The following KCTD3 variants were observed in gnomAD, a reference collection of about 807,000 sequenced individuals.
KCTD3 encodes BTB/POZ domain-containing protein KCTD3.
Under a neutral mutation model 85.8 loss-of-function variants are expected in KCTD3, and 41 were observed. That is an observed-to-expected ratio of 0.48 (90% confidence interval 0.37 to 0.62). KCTD3 has a LOEUF of 0.62. Ranked by LOEUF, KCTD3 falls within the 20% of genes least tolerant of loss-of-function variation. The probability of loss-of-function intolerance (pLI) is 0.00; values close to 1 mark genes in which losing one functional copy is unlikely to be tolerated. For missense variants in KCTD3, 724 were observed against 989.9 expected, an observed-to-expected ratio of 0.73 and a Z score of 3.60; for synonymous variants, 338 against 345.4, an observed-to-expected ratio of 0.98 and a Z score of 0.24.
chr1:215,581,652 A>G (rs755587926), intron 8 of KCTD3, among the ~76,000 whole-genome samples: 8 of 152,210 alleles, frequency 5.3e-5, no homozygotes, highest in Non-Finnish European at 8.8e-5. Context: ...TGATGCTATT[A>G]CATTTTCCAG....
At chr1:215,611,484 A>G (rs920915259) in intron 14 of KCTD3, among the ~76,000 whole-genome samples, 1 of 152,056 alleles carries the variant, frequency 6.6e-6, no homozygotes, top group African/African-American at 2.4e-5. Flanking sequence ...CTTTTAAGTT[A>G]TAAGAATCTA....
intron 12 of KCTD3, 145 bp from the exon 13 acceptor site, chr1:215,603,987 A>AT (rs1342207119): frequency 0.026 from 11,424 of 438,900 alleles, no homozygotes; most frequent in South Asian, 0.035. Flanking sequence ...AAGTCTTAAG[A>AT]TTTTTTTTTT....
At position 215,567,778 on chromosome 1, in the gene KCTD3, C is replaced by T. The variant is rs1160750225; in HGVS notation, c.83+10C>T. The T allele has an allele frequency of 1.6e-6, 2 of 1,241,036 alleles. No individual in the cohort carries two copies. Among genetic ancestry groups the T allele is most frequent in the Non-Finnish European group, 1.0e-6 (1 of 985,746 alleles). 76.9% of individuals were successfully genotyped at this position (1,241,036 alleles called of 1,614,324 possible). On this transcript the variant is annotated intron_variant, in intron 1 of 17. Transcript: ENST00000259154. ...ACGTAGGGGGGACCAGGTGAGTCGG[C>T]GGGTAGCGGGCTTGCAGCGGGGATG... is the stretch of plus-strand genomic sequence containing the variant.
intron 15 of KCTD3, chr1:215,618,339 C>T (rs1410106397): frequency 5.5e-6 from 1 of 182,278 alleles, no homozygotes; most frequent in Non-Finnish European, 1.2e-5. Flanking sequence ...CTAGGAAGCT[C>T]ATCTAAGCTT....
intron 4 of KCTD3, among the ~76,000 whole-genome samples, chr1:215,576,682 C>CT (rs1659596502): frequency 6.6e-6 from 1 of 152,024 alleles, no homozygotes; most frequent in South Asian, 2.1e-4. Flanking sequence ...ATTCTCCTGC[C>CT]TTAGCCTCCC....
intron 8 of KCTD3, among the ~76,000 whole-genome samples, chr1:215,582,597 T>A (rs1659865922): frequency 6.6e-6 from 1 of 152,200 alleles, no homozygotes; most frequent in Non-Finnish European, 1.5e-5. Context: ...AGTCTTGCAC[T>A]GTCACCCAGG....
chr1:215,570,013 A>G (rs1659302290), intron 1 of KCTD3, among the ~76,000 whole-genome samples: 1 of 152,342 alleles, frequency 6.6e-6, no homozygotes, highest in East Asian at 1.9e-4. Context: ...ACACTCGTGC[A>G]GCATTTTAGA....
chr1:215,590,460 G>A (rs1296598737), intron 9 of KCTD3, among the ~76,000 whole-genome samples: 2 of 151,892 alleles, frequency 1.3e-5, no homozygotes, highest in South Asian at 2.1e-4. Flanking sequence ...TCCCTTGCTC[G>A]CTCCCTCTTC....
Position 215,586,670 on chromosome 1 carries a change from A to G in KCTD3, c.802A>G (p.Ser268Gly), listed in dbSNP as rs1208599616. 3 of 1,608,014 alleles carry G rather than the reference A, an allele frequency of 1.9e-6. No homozygotes were observed. Among genetic ancestry groups the G allele is most frequent in the Middle Eastern group, 1.7e-4 (1 of 6,054 alleles). ...IILWSVQDGG[S>G]GSEIGVFSLG... is the part of the protein sequence containing the mutation. ...CTTGTGGAGTGTTCAGGATGGGGGA[A>G]GTGGAAGTGAAATTGGTAGGAAGAA... The change falls in exon 9 of 18, where the codon AGT becomes GGT. Residue 268 changes from serine (S) to glycine (G), a missense_variant. This residue lies in a region of KCTD3 where 146 missense variants were observed against 320.3 expected (regional missense o/e 0.46). Transcript: ENST00000259154.
Position 215,619,074 on chromosome 1 carries a change from G to C in KCTD3, c.1747+4G>C. 6.2e-7 allele frequency: 1 copy of C among 1,611,092 alleles called. No homozygotes were observed. ...GTTAACAAAAGTGAAGATAAGGGTA[G>C]GTTCTCATACAGAAAGATGTTTGTC... On this transcript the variant is annotated splice_donor_region_variant and intron_variant, in intron 16 of 17. Coordinates refer to ENST00000259154, the MANE Select transcript of KCTD3 (RefSeq NM_016121.5).
At chr1:215,617,869 TATATATA>T (rs1371944560) in intron 15 of KCTD3, among the ~76,000 whole-genome samples, 1 of 147,950 alleles carries the variant, frequency 6.8e-6, no homozygotes, top group Non-Finnish European at 1.5e-5. Context: ...ATATATTAAA[TATATATA>T]ATATATATGT....
At chr1:215,597,314 G>A (rs1177025977) in intron 10 of KCTD3, among the ~76,000 whole-genome samples, 2 of 151,032 alleles carry the variant, frequency 1.3e-5, no homozygotes, top group South Asian at 4.2e-4. Context: ...ACAGAATTAC[G>A]TTACAAAAGA....
intron 1 of KCTD3, 135 bp downstream of exon 1, chr1:215,567,903 A>G: frequency 1.9e-6 from 1 of 522,432 alleles, no homozygotes; most frequent in Non-Finnish European, 2.9e-6. Flanking sequence ...GGGGGCCTCC[A>G]GGCGGCAAGA....
chr1:215,607,693 A>G (rs969359157), intron 13 of KCTD3, among the ~76,000 whole-genome samples: 1 of 152,048 alleles, frequency 6.6e-6, no homozygotes, highest in Admixed American at 6.6e-5. Flanking sequence ...ACTGTTTACT[A>G]TGTAGTTTGG....
intron 13 of KCTD3, among the ~76,000 whole-genome samples, chr1:215,606,819 G>A (rs1558242369): frequency 6.6e-6 from 1 of 151,910 alleles, no homozygotes; most frequent in Non-Finnish European, 1.5e-5. Flanking sequence ...TCCCTATAGT[G>A]CATTTTAATC....
chr1:215,601,941 A>G lies in KCTD3; in HGVS notation c.1008A>G (p.Ser336=). 6.3e-7 allele frequency: 1 copy of G among 1,590,140 alleles called. No homozygotes were observed. The highest frequency in any genetic ancestry group is 8.6e-7 in the Non-Finnish European group (1 of 1,158,878). ...SFLLLGCNNG[S]IYYIDMQKFP... ...TTCTGCTTGGATGTAACAATGGATC[A>G]ATATATTACATAGGTAAGTGTTCAG... Residue 336 remains serine (S), a synonymous_variant, in exon 11 of 18, where the codon TCA becomes TCG. Coordinates refer to ENST00000259154, the MANE Select transcript of KCTD3 (RefSeq NM_016121.5).
chr1:215,615,454 A>C (rs1397838616), intron 15 of KCTD3, among the ~76,000 whole-genome samples: 1 of 151,840 alleles, frequency 6.6e-6, no homozygotes, highest in Admixed American at 6.6e-5. Context: ...CCCTGTCTCT[A>C]CTAAAAATAC....
intron 1 of KCTD3, among the ~76,000 whole-genome samples, chr1:215,572,971 A>G (rs915956634): frequency 6.6e-6 from 1 of 152,188 alleles, no homozygotes; most frequent in African/African-American, 2.4e-5. Flanking sequence ...AACAAGTACT[A>G]TATTGCTTTG....
intron 9 of KCTD3, among the ~76,000 whole-genome samples, chr1:215,588,718 A>G (rs1476947943): frequency 1.3e-5 from 2 of 152,194 alleles, no homozygotes; most frequent in African/African-American, 4.8e-5. Context: ...AGCTAATACC[A>G]GATGGGTACA....
Sources: gnomAD v4.1 joint callset for allele counts (sites outside exome capture counted in the v4.1 genomes callset) on GRCh38, gnomAD v4.1.1 for gene constraint, gnomAD v4.1.1 regional missense constraint, MANE v1.5 for transcripts, NCBI Gene and HGNC (gene_info 2026-07-23, HGNC 2026-07-21) for gene names.